Variants in RASSF9 observed in about 807,000 individuals in gnomAD.
The protein encoded by RASSF9 is ras association domain-containing protein 9.
A neutral mutation model predicts 21.4 loss-of-function variants in RASSF9; 18 were observed. The observed-to-expected ratio is 0.84, with a 90% CI of 0.58 to 1.25. The LOEUF (loss-of-function observed/expected upper bound fraction) is 1.25. RASSF9 is among the 50% of genes most tolerant of loss of function. The pLI is 0.00. For missense variants in RASSF9, 480 were observed against 503.2 expected (o/e 0.95, Z 0.44); for synonymous variants, 183 against 179.1 (o/e 1.02, Z -0.18).
intron 1 of RASSF9, among the ~76,000 whole-genome samples, chr12:85,820,136 G>C (rs889222667): frequency 6.6e-6 from 1 of 152,118 alleles, no homozygotes; most frequent in African/African-American, 2.4e-5. Context: ...ATTTTTAAAT[G>C]TTTTTAAAAA....
chr12:85,805,409 C>G lies in RASSF9; in HGVS notation c.601G>C (p.Val201Leu), dbSNP rs772321035. ...ISQDHTIHQQ[V>L]KRMKELDLEI... The stretch of plus-strand genomic sequence containing the variant: ...AGATCCAGCTCTTTCATTCTCTTGA[C>G]TTGCTGATGAATAGTATGGTCCTGG... The change falls in exon 2 of 2, where the codon GTC becomes CTC. Residue 201 changes from valine (V) to leucine (L), a missense_variant. By Grantham distance (32) the Val-to-Leu change is conservative (BLOSUM62 1). Coordinates refer to ENST00000361228, the MANE Select transcript of RASSF9 (RefSeq NM_005447.4). 2 of 1,613,784 alleles carry G rather than the reference C, an allele frequency of 1.2e-6. No individual in the cohort carries two copies. Among genetic ancestry groups the G allele is most frequent in the Non-Finnish European group, 1.7e-6 (2 of 1,179,802 alleles).
At chr12:85,835,283 T>A (rs1456308608) in intron 1 of RASSF9, among the ~76,000 whole-genome samples, 1 of 152,266 alleles carries the variant, frequency 6.6e-6, no homozygotes, top group Non-Finnish European at 1.5e-5. Flanking sequence ...AAAATAAATA[T>A]ATTTTTAAAA....
chr12:85,823,910 A>G (rs1258408939), intron 1 of RASSF9, among the ~76,000 whole-genome samples: 1 of 152,090 alleles, frequency 6.6e-6, no homozygotes, highest in Non-Finnish European at 1.5e-5. Context: ...TAATTTGGGG[A>G]GTGTTTTATT....
chr12:85,835,467 A>C (rs1880538737), intron 1 of RASSF9, among the ~76,000 whole-genome samples: 1 of 152,144 alleles, frequency 6.6e-6, no homozygotes, highest in African/African-American at 2.4e-5. Flanking sequence ...CAAGCTTGAA[A>C]TATCAAATCA....
At chr12:85,817,988 G>A (rs544373392) in intron 1 of RASSF9, among the ~76,000 whole-genome samples, 221 of 152,240 alleles carry the variant, frequency 1.5e-3, no homozygotes, top group Middle Eastern at 3.4e-3. Context: ...TGTAGAAAGA[G>A]CTTCAAGAGA....
In RASSF9 at chr12:85,804,790, T is replaced by G; in HGVS notation, c.1220A>C (p.Asn407Thr). 1.2e-6 allele frequency: 2 copies of G among 1,613,716 alleles called. No homozygotes were observed. The highest frequency in any genetic ancestry group is 1.7e-6 in the Non-Finnish European group (2 of 1,179,608). Residue 407 changes from asparagine (N) to threonine (T), a missense_variant, in exon 2 of 2, where the codon AAT (asparagine) becomes ACT (threonine). By Grantham distance (65) the Asn-to-Thr change is moderately conservative. Coordinates refer to ENST00000361228, the MANE Select transcript of RASSF9 (RefSeq NM_005447.4). Reference sequence around the variant, plus strand: ...GATACCAGTGTCCGAGTCTGTGTCATTTGTGTAATTGCTAAATACTCTTTG... The same window carrying G: ...GATACCAGTGTCCGAGTCTGTGTCAGTTGTGTAATTGCTAAATACTCTTTG... Reference protein sequence around the residue: ...FTQRVFSNYTNDTDSDTGISS... With the variant: ...FTQRVFSNYTTDTDSDTGISS...
intron 1 of RASSF9, among the ~76,000 whole-genome samples, chr12:85,812,586 A>T (rs1255214506): frequency 6.6e-6 from 1 of 151,248 alleles, no homozygotes; most frequent in Non-Finnish European, 1.5e-5. Context: ...AATTTAGCTA[A>T]ATCTTTTTTT....
chr12:85,809,542 T>C (rs1002392270), intron 1 of RASSF9, among the ~76,000 whole-genome samples: 1 of 152,076 alleles, frequency 6.6e-6, no homozygotes, highest in African/African-American at 2.4e-5. Flanking sequence ...AAAACCTCTG[T>C]TGTTGTCTCC....
chr12:85,806,672 C>CA (rs71076150), intron 1 of RASSF9, among the ~76,000 whole-genome samples: 4,248 of 54,678 alleles, frequency 0.078, 868 homozygotes, highest in East Asian at 0.47. Context: ...GACTCCATCT[C>CA]AAAAAAAAAA....
intron 1 of RASSF9, among the ~76,000 whole-genome samples, chr12:85,821,939 T>G (rs1261006726): frequency 6.6e-6 from 1 of 152,184 alleles, no homozygotes; most frequent in Non-Finnish European, 1.5e-5. Context: ...ATATTTAACA[T>G]GTGTTATTTA....
chr12:85,823,751 G>A (rs1880267950), intron 1 of RASSF9, among the ~76,000 whole-genome samples: 1 of 152,178 alleles, frequency 6.6e-6, no homozygotes, highest in Non-Finnish European at 1.5e-5. Flanking sequence ...GGAGAGAAAA[G>A]AGGCAAACCA....
chr12:85,810,992 A>G (rs1268619672), intron 1 of RASSF9, among the ~76,000 whole-genome samples: 1 of 151,884 alleles, frequency 6.6e-6, no homozygotes, highest in African/African-American at 2.4e-5. Flanking sequence ...ATGAAATCTC[A>G]TATCCCAAGA....
chr12:85,836,026 C>A (rs770233872), intron 1 of RASSF9, 129 bp downstream of exon 1: 352 of 1,515,106 alleles, frequency 2.3e-4, no homozygotes, highest in Non-Finnish European at 2.9e-4. Context: ...TGTGTCCCCA[C>A]GAAGCCTTTT....
intron 1 of RASSF9, among the ~76,000 whole-genome samples, chr12:85,831,116 C>T (rs1323733622): frequency 1.3e-5 from 2 of 152,012 alleles, no homozygotes; most frequent in East Asian, 1.9e-4. Context: ...TATTCATATA[C>T]ACCTGCAAGA....
At chr12:85,811,817 T>C (rs150663429) in intron 1 of RASSF9, among the ~76,000 whole-genome samples, 103 of 151,924 alleles carry the variant, frequency 6.8e-4, no homozygotes, top group African/African-American at 2.4e-3. Context: ...ATGTCCACTT[T>C]AAGCAGGAAA....
rs560067300 is a variant in RASSF9 at position 85,805,899 on chromosome 12, C to A, written c.111G>T (p.Glu37Asp). The A allele has an allele frequency of 1.2e-6, 2 of 1,613,912 alleles. No individual in the cohort carries two copies. The highest frequency in any genetic ancestry group is 1.7e-6 in the Non-Finnish European group (2 of 1,179,824). Reference protein sequence around the residue: ...KEIVVWVCQEEKLVCGLTKRT... With the variant: ...KEIVVWVCQEDKLVCGLTKRT... ...GTTTAGTCAGCCCACAGACAAGCTT[C>A]TCTTCTTGGCAAACCCAAACCACAA... The change falls in exon 2 of 2, where the codon GAG becomes GAT. Residue 37 changes from glutamate (E) to aspartate (D), a missense_variant. Physicochemically the swap from Glu to Asp is conservative, Grantham distance 45 (BLOSUM62 2). Coordinates refer to ENST00000361228, the MANE Select transcript of RASSF9 (RefSeq NM_005447.4).
At chr12:85,820,470 T>C (rs1414028920) in intron 1 of RASSF9, among the ~76,000 whole-genome samples, 1 of 152,204 alleles carries the variant, frequency 6.6e-6, no homozygotes, top group Non-Finnish European at 1.5e-5. Flanking sequence ...GATTTCAGTA[T>C]GTACAATTTT....
In RASSF9 at chr12:85,805,611, T is replaced by C; in HGVS notation, c.399A>G (p.Leu133=). Reference sequence around the variant, plus strand: ...CCCACAATTTTTCTGTGTTTTGCACTAATTTGGCTTCAGCTGTCCGCCACA... The same window carrying C: ...CCCACAATTTTTCTGTGTTTTGCACCAATTTGGCTTCAGCTGTCCGCCACA... ...VPLWRTAEAK[L]VQNTEKLWEL... Residue 133 remains leucine, a synonymous_variant, in exon 2 of 2, where the codon TTA becomes TTG. Transcript: ENST00000361228. 6.2e-7 allele frequency: 1 copy of C among 1,614,028 alleles called. No individual in the cohort carries two copies. The highest frequency in any genetic ancestry group is 1.1e-5 in the South Asian group (1 of 91,082).
chr12:85,814,022 A>C (rs940195464), intron 1 of RASSF9, among the ~76,000 whole-genome samples: 1 of 151,988 alleles, frequency 6.6e-6, no homozygotes, highest in Non-Finnish European at 1.5e-5. Flanking sequence ...GCAGAACAAG[A>C]CTTCGTGCTT....
Sources: gnomAD v4.1 joint callset for allele counts (sites outside exome capture counted in the v4.1 genomes callset) on GRCh38, gnomAD v4.1.1 for gene constraint, MANE v1.5 for transcripts, NCBI Gene and HGNC (gene_info 2026-07-23, HGNC 2026-07-21) for gene names.